NUP160: variants seen among roughly 807,000 people sequenced by gnomAD.
NUP160 encodes nucleoporin 160.
NUP160 carries 94 observed loss-of-function variants against 196.9 expected under a neutral mutation model. That is an observed-to-expected ratio of 0.48 (90% CI 0.40 to 0.57). The LOEUF is 0.57. NUP160 is among the 20% of genes least tolerant of loss of function. NUP160 has a pLI of 0.00. For missense variants in NUP160, 1,638 were observed against 1,748.3 expected (o/e 0.94, Z 1.13); for synonymous variants, 605 against 619.7 (o/e 0.98, Z 0.35).
chr11:47,812,984 A>G, exon 15 of NUP160: 1 of 1,613,020 alleles, frequency 6.2e-7, no homozygotes, highest in Non-Finnish European at 8.5e-7. Flanking sequence ...ATCCACAGTT[A>G]CTGACTCTTC....
exon 28 of NUP160, chr11:47,792,886 C>T: frequency 6.2e-7 from 1 of 1,614,012 alleles, no homozygotes; most frequent in Non-Finnish European, 8.5e-7. Flanking sequence ...TTTCTCAAGT[C>T]CCCGGAGAGT....
exon 36 of NUP160, chr11:47,779,193 A>G: frequency 1.9e-6 from 3 of 1,597,842 alleles, no homozygotes; most frequent in Non-Finnish European, 2.6e-6. Context: ...TTTCTGGGAC[A>G]GCTATAAGAG....
chr11:47,848,419 A>G (rs774587174), exon 1 of NUP160: 37 of 1,562,360 alleles, frequency 2.4e-5, no homozygotes, highest in Non-Finnish European at 2.8e-5. Context: ...CAGGTGAAGC[A>G]TTCCGGGAGC....
chr11:47,845,915 T>C (rs1852392341), intron 2 of NUP160, among the ~76,000 whole-genome samples: 1 of 152,090 alleles, frequency 6.6e-6, no homozygotes, highest in Non-Finnish European at 1.5e-5. Flanking sequence ...GGGGCACTGC[T>C]TGAGTCTGGC....
exon 29 of NUP160, chr11:47,791,952 A>G (rs748682119): frequency 2.2e-5 from 36 of 1,612,632 alleles, no homozygotes; most frequent in Non-Finnish European, 3.0e-5. Context: ...TGCATTCTCC[A>G]TCATGATTCC....
At chr11:47,840,306 T>A in intron 3 of NUP160, 72 bp downstream of exon 3, 1 of 1,325,068 alleles carries the variant, frequency 7.5e-7, no homozygotes, top group Non-Finnish European at 1.1e-6. Flanking sequence ...CCAAAAGACA[T>A]CGCTCCAGCA....
chr11:47,827,642 G>A (rs566323099), intron 7 of NUP160, among the ~76,000 whole-genome samples: 1 of 152,066 alleles, frequency 6.6e-6, no homozygotes, highest in South Asian at 2.1e-4. Context: ...TGAACCAGGA[G>A]GTTGCAATGA....
chr11:47,789,074 A>G (rs956650466), intron 29 of NUP160, among the ~76,000 whole-genome samples: 2 of 151,920 alleles, frequency 1.3e-5, no homozygotes, highest in African/African-American at 4.8e-5. Context: ...ACGGGGTTTT[A>G]CCATGTTGGC....
intron 15 of NUP160, 139 bp from the exon 16 acceptor site, chr11:47,812,568 A>G (rs2097681785): frequency 1.2e-6 from 1 of 846,146 alleles, no homozygotes; most frequent in Admixed American, 2.9e-5. Context: ...TATAAGATAC[A>G]GTCCCTATGC....
At chr11:47,795,340 G>C (rs1262511414) in intron 27 of NUP160, among the ~76,000 whole-genome samples, 1 of 152,162 alleles carries the variant, frequency 6.6e-6, no homozygotes, top group African/African-American at 2.4e-5. Flanking sequence ...CATTAATCTT[G>C]CTAAACTGGT....
At chr11:47,839,876 A>G (rs1187856994) in exon 4 of NUP160, 1 of 1,614,140 alleles carries the variant, frequency 6.2e-7, no homozygotes, top group Non-Finnish European at 8.5e-7. Context: ...TTAAGAACAA[A>G]GATTCCCCCA....
intron 17 of NUP160, among the ~76,000 whole-genome samples, chr11:47,810,451 A>G (rs1019242659): frequency 3.9e-5 from 6 of 152,052 alleles, no homozygotes; most frequent in African/African-American, 1.4e-4. Context: ...TTGGCCTCCC[A>G]AAGTGCTGGG....
At chr11:47,784,843 A>G (rs1015064597) in intron 33 of NUP160, 79 bp downstream of exon 33, 3 of 1,123,994 alleles carry the variant, frequency 2.7e-6, no homozygotes, top group African/African-American at 3.1e-5. Context: ...CAATCAGTCC[A>G]TATTTTTAAT....
chr11:47,796,452 C>T, intron 27 of NUP160: 1 of 297,982 alleles, frequency 3.4e-6, no homozygotes, highest in Non-Finnish European at 6.2e-6. Context: ...TTAACTTCCT[C>T]CCAGAAGGAC....
At chr11:47,798,566 G>T (rs1307369158) in intron 23 of NUP160, 103 bp from the exon 24 acceptor site, 2 of 679,578 alleles carry the variant, frequency 2.9e-6, no homozygotes, top group Non-Finnish European at 5.2e-6. Flanking sequence ...AGGCCGGCAT[G>T]GTGGCTCACA....
chr11:47,788,876 CTTTT>C (rs576717550), intron 29 of NUP160, among the ~76,000 whole-genome samples: 4 of 141,044 alleles, frequency 2.8e-5, no homozygotes, highest in African/African-American at 1.0e-4. Context: ...ACTCTTTAAA[CTTTT>C]TTTTTTTTTT....
At chr11:47,803,180 A>AT (rs1599317882) in intron 22 of NUP160, among the ~76,000 whole-genome samples, 4 of 149,262 alleles carry the variant, frequency 2.7e-5, no homozygotes, top group African/African-American at 4.9e-5. Flanking sequence ...AATAATAATA[A>AT]AAGGAATCTC....
intron 20 of NUP160, 57 bp from the exon 21 acceptor site, chr11:47,804,675 A>G: frequency 8.6e-7 from 1 of 1,157,796 alleles, no homozygotes; most frequent in Non-Finnish European, 1.2e-6. Context: ...AAACATATAC[A>G]TTGGGCATCA....
intron 24 of NUP160, 38 bp from the exon 25 acceptor site, chr11:47,798,300 A>G: frequency 1.3e-6 from 2 of 1,549,404 alleles, no homozygotes; most frequent in Non-Finnish European, 8.9e-7. Context: ...AAAAAGAGCA[A>G]TAGAAATGAA....
Sources: allele counts gnomAD v4.1 joint callset (sites outside exome capture counted in the v4.1 genomes callset), GRCh38; gene constraint gnomAD v4.1.1; transcripts MANE v1.5; gene names NCBI Gene and HGNC (gene_info 2026-07-23, HGNC 2026-07-21).